SIPA1L3: variants seen among roughly 807,000 people sequenced by gnomAD.
The protein encoded by SIPA1L3 is signal-induced proliferation-associated 1-like protein 3.
In SIPA1L3, 59 loss-of-function variants were observed where a neutral mutation model predicts 150.1. The observed-to-expected ratio is 0.39, with a 90% CI of 0.32 to 0.49. The LOEUF is 0.49. SIPA1L3 is among the 20% of genes least tolerant of loss of function. The probability of loss-of-function intolerance (pLI) is 0.86; values close to 1 mark genes in which losing one functional copy is unlikely to be tolerated. For synonymous variants in SIPA1L3, 1,070 were observed against 1,077.6 expected (o/e 0.99, Z 0.14); for missense variants, 2,211 against 2,489.5 (o/e 0.89, Z 2.38).
chr19:37,920,146 A>G, intron 1 of SIPA1L3, among the ~76,000 whole-genome samples: 1 of 148,558 alleles, frequency 6.7e-6, no homozygotes, highest in Non-Finnish European at 1.5e-5. Flanking sequence ...TGCAGCCTCT[A>G]CCTCCTGGGC....
intron 1 of SIPA1L3, among the ~76,000 whole-genome samples, chr19:37,986,516 G>A (rs1967354196): frequency 6.6e-6 from 1 of 152,224 alleles, no homozygotes; most frequent in Admixed American, 6.5e-5. Context: ...GGAAAAGCAG[G>A]TTATTTGATG....
At chr19:38,145,304 G>A (rs551518187) in intron 12 of SIPA1L3, among the ~76,000 whole-genome samples, 6 of 152,110 alleles carry the variant, frequency 3.9e-5, no homozygotes, top group African/African-American at 1.4e-4. Context: ...GGCCGAGATC[G>A]GTGGATCATC....
chr19:38,187,921 A>T (rs1460734988), intron 16 of SIPA1L3, among the ~76,000 whole-genome samples: 3 of 151,164 alleles, frequency 2.0e-5, no homozygotes, highest in African/African-American at 7.3e-5. Context: ...ACTTGTACCC[A>T]GGAAGCGGAG....
At chr19:38,059,524 A>G (rs1452929903) in intron 2 of SIPA1L3, among the ~76,000 whole-genome samples, 1 of 152,098 alleles carries the variant, frequency 6.6e-6, no homozygotes, top group African/African-American at 2.4e-5. Context: ...AGATTTTAAA[A>G]TACATTTGTA....
rs568979508 is a variant in SIPA1L3, at chr19:38,151,503, G to A, written c.3534-1337G>A. On this transcript the variant is annotated intron_variant, in intron 12 of 21. Coordinates refer to ENST00000222345, the MANE Select transcript of SIPA1L3 (RefSeq NM_015073.3). Reference sequence around the variant, plus strand: ...TGGAGAACTGGAATGTTTTGTGGGCGTCTTAATAACTCACCTCCCTTCGTG... The same window carrying A: ...TGGAGAACTGGAATGTTTTGTGGGCATCTTAATAACTCACCTCCCTTCGTG... Among the ~76,000 whole-genome samples the A allele has an allele frequency of 3.1e-4, 47 of 152,238 alleles. No homozygotes were observed. The East Asian group carries it at 3.3e-3, about 11-fold the overall frequency.
In SIPA1L3 at chr19:38,047,662, G is replaced by C. The variant is rs1969091499; in HGVS notation, c.-311+18506G>C. On this transcript the variant is annotated intron_variant, in intron 2 of 21. Coordinates refer to ENST00000222345, the MANE Select transcript of SIPA1L3 (RefSeq NM_015073.3). This position sits in a 1 kb window ranked among gnomAD's most constrained non-coding sequence, Gnocchi z 4.7. The stretch of plus-strand genomic sequence containing the variant: ...CTGACCCCAGAGCGCACGCTCCTTT[G>C]CCCGCCCCTGCCACACTGGTATCTT... 6.6e-6 allele frequency among the ~76,000 whole-genome samples: 1 copy of C among 152,162 alleles called. No homozygotes were observed. The highest frequency in any genetic ancestry group is 1.5e-5 in the Non-Finnish European group (1 of 68,014).
intron 1 of SIPA1L3, among the ~76,000 whole-genome samples, chr19:37,913,167 C>T (rs556765346): frequency 3.7e-4 from 57 of 152,142 alleles, no homozygotes; most frequent in East Asian, 3.7e-3. Context: ...CCTCGGGGGT[C>T]GCTGGAGACT....
intron 13 of SIPA1L3, among the ~76,000 whole-genome samples, chr19:38,153,380 G>T (rs931621771): frequency 6.6e-6 from 1 of 152,114 alleles, no homozygotes; most frequent in Non-Finnish European, 1.5e-5. Context: ...CATGTTAAGA[G>T]CCCACATGGC....
intron 2 of SIPA1L3, among the ~76,000 whole-genome samples, chr19:38,076,053 A>G (rs1600013957): frequency 6.6e-6 from 1 of 151,458 alleles, no homozygotes; most frequent in African/African-American, 2.4e-5. Flanking sequence ...AGGCAGGAGA[A>G]TGGCGTAACC....
rs543625443 is a variant in SIPA1L3 at position 38,136,152 on chromosome 19, T to C, written c.3144-5032T>C. ...AGTGGTGTGAGATCACGCCACTGCA[T>C]TCCAGCCTGGGCAAGAGAGTGAGAC... On this transcript the variant is annotated intron_variant, in intron 10 of 21. Transcript: ENST00000222345. Among the ~76,000 whole-genome samples, 27 of 118,826 alleles carry C rather than the reference T, an allele frequency of 2.3e-4. No individual in the cohort carries two copies. In the East Asian group the frequency reaches 6.5e-3, roughly 29 times the overall value. 78.0% of individuals were successfully genotyped at this position (118,826 alleles called of 152,430 possible).
intron 8 of SIPA1L3, among the ~76,000 whole-genome samples, chr19:38,118,939 A>T (rs1229970692): frequency 6.6e-6 from 1 of 152,154 alleles, no homozygotes; most frequent in Non-Finnish European, 1.5e-5. Context: ...TCACAGCTGT[A>T]ATCCCAACAC....
At chr19:38,126,831 C>T (rs568751600) in intron 9 of SIPA1L3, among the ~76,000 whole-genome samples, 3 of 152,178 alleles carry the variant, frequency 2.0e-5, no homozygotes, top group East Asian at 3.9e-4. Context: ...CCACTGTGCC[C>T]GGCCCAATTT....
intron 15 of SIPA1L3, among the ~76,000 whole-genome samples, chr19:38,168,395 A>G (rs1972254685): frequency 6.6e-6 from 1 of 152,056 alleles, no homozygotes; most frequent in East Asian, 1.9e-4. Context: ...TTAAAAAACA[A>G]AAACAAAAAC....
chr19:38,074,608 C>T (rs770221199), intron 2 of SIPA1L3, among the ~76,000 whole-genome samples: 1 of 152,250 alleles, frequency 6.6e-6, no homozygotes, highest in Non-Finnish European at 1.5e-5. Context: ...AACAGTCTTG[C>T]CATTCTGTAA....
At chr19:38,205,952 T>A in intron 21 of SIPA1L3, 145 bp from the exon 22 acceptor site, 1 of 892,000 alleles carries the variant, frequency 1.1e-6, no homozygotes, top group South Asian at 1.9e-5. Flanking sequence ...AGAGGCAGAG[T>A]GGGATGTGTG....
chr19:38,181,483 C>A (rs1972552699), intron 15 of SIPA1L3, among the ~76,000 whole-genome samples: 1 of 151,662 alleles, frequency 6.6e-6, no homozygotes, highest in African/African-American at 2.4e-5. Flanking sequence ...AAACAAAAAA[C>A]CAATAATCCT....
chr19:38,113,100 C>G (rs1323608747), intron 8 of SIPA1L3, among the ~76,000 whole-genome samples: 1 of 151,972 alleles, frequency 6.6e-6, no homozygotes. Flanking sequence ...TACAGCTGTT[C>G]CTCTGGAGGT....
intron 1 of SIPA1L3, among the ~76,000 whole-genome samples, chr19:37,995,408 T>A (rs779340084): frequency 6.6e-6 from 1 of 152,146 alleles, no homozygotes; most frequent in Non-Finnish European, 1.5e-5. Context: ...AGCAGGGATC[T>A]GAAGCCATGT....
intron 2 of SIPA1L3, among the ~76,000 whole-genome samples, chr19:38,049,092 C>T (rs1725459): frequency 1.3e-5 from 2 of 149,900 alleles, no homozygotes; most frequent in Non-Finnish European, 3.0e-5. Context: ...AAAAAAAAAG[C>T]GGGGGGTGGA....
Sources: gnomAD v4.1 joint callset for allele counts (sites outside exome capture counted in the v4.1 genomes callset) on GRCh38, gnomAD v4.1.1 for gene constraint, Gnocchi (gnomAD v3.1) non-coding constraint, MANE v1.5 for transcripts, NCBI Gene and HGNC (gene_info 2026-07-23, HGNC 2026-07-21) for gene names.